LRRIQ3: variants seen among roughly 807,000 people sequenced by gnomAD.
LRRIQ3 encodes the protein leucine rich repeats and IQ motif containing 3.
LRRIQ3 carries 75 observed loss-of-function variants against 59.3 expected under a neutral mutation model. The observed-to-expected ratio is 1.26, with a 90% CI of 1.05 to 1.53. LRRIQ3 has a LOEUF of 1.53. Among genes scored for constraint, LRRIQ3 ranks in the 40% most tolerant of loss-of-function variants. The probability of loss-of-function intolerance (pLI) is 0.00; values close to 1 mark genes in which losing one functional copy is unlikely to be tolerated. For synonymous variants in LRRIQ3, 250 were observed against 231.3 expected (o/e 1.08, Z -0.73); for missense variants, 831 against 710.0 (o/e 1.17, Z -1.94).
intron 4 of LRRIQ3, among the ~76,000 whole-genome samples, chr1:74,111,021 C>T (rs1481411716): frequency 6.6e-6 from 1 of 151,966 alleles, no homozygotes; most frequent in Admixed American, 6.6e-5. Flanking sequence ...AAGTTGTACT[C>T]ATTACTTCTG....
chr1:74,154,305 T>C (rs1451710775), intron 4 of LRRIQ3, among the ~76,000 whole-genome samples: 5 of 143,462 alleles, frequency 3.5e-5, no homozygotes, highest in Non-Finnish European at 7.5e-5. Flanking sequence ...TGTCAGGTGC[T>C]AAGAGCATTA....
intron 6 of LRRIQ3, 62 bp from the exon 7 acceptor site, chr1:74,041,995 T>C: frequency 7.2e-7 from 1 of 1,382,738 alleles, no homozygotes; most frequent in Admixed American, 2.7e-5. Context: ...TTATTTTCTC[T>C]CCAAATATAT....
At chr1:74,141,232 C>G (rs1647241847) in intron 4 of LRRIQ3, among the ~76,000 whole-genome samples, 1 of 151,786 alleles carries the variant, frequency 6.6e-6, no homozygotes, top group Non-Finnish European at 1.5e-5. Context: ...CCAAGATATT[C>G]TTGTTGTCTA....
chr1:74,120,327 A>C (rs1053357715), intron 4 of LRRIQ3, among the ~76,000 whole-genome samples: 1 of 152,076 alleles, frequency 6.6e-6, no homozygotes, highest in African/African-American at 2.4e-5. Context: ...TATGTTGGCC[A>C]GGATGGTCTT....
intron 4 of LRRIQ3, among the ~76,000 whole-genome samples, chr1:74,120,875 G>A (rs1252013240): frequency 2.0e-5 from 3 of 151,818 alleles, no homozygotes; most frequent in Admixed American, 1.3e-4. Context: ...ATTATCCCTC[G>A]ATTCGTGGAC....
chr1:74,118,291 AC>A (rs1224472199), intron 4 of LRRIQ3, among the ~76,000 whole-genome samples: 1 of 152,112 alleles, frequency 6.6e-6, no homozygotes, highest in African/African-American at 2.4e-5. Flanking sequence ...ACGGACATAA[AC>A]TTTTGCCCTT....
chr1:74,087,526 T>TA (rs76363377), intron 5 of LRRIQ3, among the ~76,000 whole-genome samples: 1,616 of 150,314 alleles, frequency 0.011, 49 homozygotes, highest in East Asian at 0.055. Flanking sequence ...TGCTATTTCA[T>TA]AAAAAAAAAT....
intron 4 of LRRIQ3, among the ~76,000 whole-genome samples, chr1:74,118,647 C>A (rs774573372): frequency 6.6e-6 from 1 of 151,796 alleles, no homozygotes; most frequent in Non-Finnish European, 1.5e-5. Context: ...GTGTATTAGT[C>A]AGGATTCTCT....
At chr1:74,166,869 G>A (rs958240440) in intron 3 of LRRIQ3, among the ~76,000 whole-genome samples, 1 of 151,550 alleles carries the variant, frequency 6.6e-6, no homozygotes. Flanking sequence ...ATCACTAATT[G>A]TCAGGAAAAC....
At chr1:74,076,104 T>C (rs1186806338) in intron 5 of LRRIQ3, among the ~76,000 whole-genome samples, 2 of 152,116 alleles carry the variant, frequency 1.3e-5, no homozygotes, top group Non-Finnish European at 2.9e-5. Flanking sequence ...AGAGTAGATA[T>C]TGGTAGGCAA....
chr1:74,064,017 C>G (rs999637425), intron 6 of LRRIQ3, among the ~76,000 whole-genome samples: 1 of 151,676 alleles, frequency 6.6e-6, no homozygotes, highest in East Asian at 1.9e-4. Flanking sequence ...CTTAAGTTAT[C>G]AAAATGACAC....
intron 6 of LRRIQ3, among the ~76,000 whole-genome samples, chr1:74,057,813 A>C (rs529608933): frequency 6.6e-6 from 1 of 152,108 alleles, no homozygotes; most frequent in Non-Finnish European, 1.5e-5. Flanking sequence ...ACATATTCAC[A>C]AACTATACAT....
chr1:74,165,814 T>C (rs959190262), intron 3 of LRRIQ3, among the ~76,000 whole-genome samples: 7 of 151,580 alleles, frequency 4.6e-5, no homozygotes, highest in Non-Finnish European at 1.0e-4. Flanking sequence ...CAAATTTTTT[T>C]CTGCATGAAT....
chr1:74,096,667 A>G (rs1646453420), intron 5 of LRRIQ3, among the ~76,000 whole-genome samples: 1 of 151,948 alleles, frequency 6.6e-6, no homozygotes, highest in African/African-American at 2.4e-5. Flanking sequence ...TTTTTTCCCC[A>G]TCTTTGTGGT....
chr1:74,044,078 C>T (rs898261182), intron 6 of LRRIQ3, among the ~76,000 whole-genome samples: 2 of 151,992 alleles, frequency 1.3e-5, no homozygotes, highest in African/African-American at 2.4e-5. Flanking sequence ...AATCATATTC[C>T]ACTTACATTA....
chr1:74,192,952 GAAT>G (rs1158422492), intron 1 of LRRIQ3, among the ~76,000 whole-genome samples: 23 of 151,946 alleles, frequency 1.5e-4, no homozygotes, highest in Admixed American at 1.3e-3. Context: ...CTGAAAACTG[GAAT>G]AACTCAAATG....
At chr1:74,108,930 G>T in intron 5 of LRRIQ3, 1 of 391,818 alleles carries the variant, frequency 2.6e-6, no homozygotes, top group East Asian at 8.7e-5. Context: ...CTTGCAAAAT[G>T]TCTAGCACAG....
At chr1:74,073,671 A>C (rs148018107) in intron 6 of LRRIQ3, among the ~76,000 whole-genome samples, 2,004 of 152,304 alleles carry the variant, frequency 0.013, 18 homozygotes, top group Non-Finnish European at 0.021. Context: ...AACTGATGAA[A>C]TAAAGCCACT....
In LRRIQ3 at chr1:74,198,048, C is replaced by T. The variant is rs1236255047; in HGVS notation, c.-53G>A. The T allele has an allele frequency of 1.0e-5, 9 of 876,646 alleles. No homozygotes were observed. The highest frequency in any genetic ancestry group is 1.3e-5 in the Non-Finnish European group (8 of 598,838). The allele number at this position is 876,646 out of a possible 1,614,324, so 54.3% of individuals were successfully genotyped here. On this transcript the variant is annotated 5_prime_UTR_variant, in exon 1 of 8. Coordinates refer to ENST00000354431, the MANE Select transcript of LRRIQ3 (RefSeq NM_001105659.2). ...GAGTTGGAGACAAGTGGCCCAGCCC[C>T]AACACAGTCAGACAAATCGCTGGGC... is the stretch of plus-strand genomic sequence containing the variant.
Sources: allele counts gnomAD v4.1 joint callset (sites outside exome capture counted in the v4.1 genomes callset), GRCh38; gene constraint gnomAD v4.1.1; transcripts MANE v1.5; gene names NCBI Gene and HGNC (gene_info 2026-07-23, HGNC 2026-07-21).